The following CBLB variants were observed in gnomAD, a reference collection of about 807,000 sequenced individuals.
The protein encoded by CBLB is E3 ubiquitin-protein ligase CBL-B.
A neutral mutation model predicts 104.9 loss-of-function variants in CBLB; 31 were observed. The observed-to-expected ratio is 0.30, with a 90% CI of 0.22 to 0.40. The LOEUF (loss-of-function observed/expected upper bound fraction) is 0.40. Ranked by LOEUF, CBLB falls within the 10% of genes least tolerant of loss-of-function variation. CBLB has a pLI of 1.00. For missense variants in CBLB, 1,062 were observed against 1,214.6 expected (o/e 0.87, Z 1.87); for synonymous variants, 440 against 422.6 (o/e 1.04, Z -0.51).
intron 3 of CBLB, among the ~76,000 whole-genome samples, chr3:105,826,098 T>TCCAGCATGACGCAACG (rs1223611420): frequency 2.6e-5 from 4 of 151,950 alleles, no homozygotes; most frequent in African/African-American, 9.7e-5. Context: ...ATGACACGGC[T>TCCAGCATGACGCAACG]CCAGCATGAC....
chr3:105,854,747 C>T (rs1413647771), intron 2 of CBLB, among the ~76,000 whole-genome samples: 1 of 152,128 alleles, frequency 6.6e-6, no homozygotes, highest in Non-Finnish European at 1.5e-5. Flanking sequence ...ATTCTCCTGC[C>T]TCAGCCTCCC....
At chr3:105,745,505 GTATA>G (rs140184505) in intron 6 of CBLB, among the ~76,000 whole-genome samples, 2,186 of 152,234 alleles carry the variant, frequency 0.014, 43 homozygotes, top group African/African-American at 0.05. Context: ...AAACTTACAT[GTATA>G]TTTATGTGTT....
intron 3 of CBLB, among the ~76,000 whole-genome samples, chr3:105,831,107 C>T (rs1451621094): frequency 6.6e-6 from 1 of 152,160 alleles, no homozygotes; most frequent in Non-Finnish European, 1.5e-5. Flanking sequence ...AGACCATACA[C>T]ATAACCATGT....
intron 3 of CBLB, among the ~76,000 whole-genome samples, chr3:105,841,934 A>G (rs937469756): frequency 1.3e-5 from 2 of 152,158 alleles, no homozygotes; most frequent in African/African-American, 4.8e-5. Flanking sequence ...GCAACCAGAT[A>G]CTGCCAGCCT....
intron 9 of CBLB, among the ~76,000 whole-genome samples, chr3:105,733,801 C>A (rs993916907): frequency 6.6e-6 from 1 of 151,962 alleles, no homozygotes; most frequent in Non-Finnish European, 1.5e-5. Flanking sequence ...CTACTGATGA[C>A]TAATATAATA....
chr3:105,804,688 T>A (rs1272898723), intron 3 of CBLB, among the ~76,000 whole-genome samples: 1 of 152,160 alleles, frequency 6.6e-6, no homozygotes, highest in Non-Finnish European at 1.5e-5. Context: ...TAAAATTACC[T>A]GTACTTACAT....
At chr3:105,833,023 C>CA (rs1161391367) in intron 3 of CBLB, among the ~76,000 whole-genome samples, 2 of 152,076 alleles carry the variant, frequency 1.3e-5, no homozygotes, top group African/African-American at 4.8e-5. Flanking sequence ...CACATGAAGC[C>CA]TCAGATGTGG....
At chr3:105,703,128 T>C (rs2069503712) in intron 11 of CBLB, among the ~76,000 whole-genome samples, 1 of 152,192 alleles carries the variant, frequency 6.6e-6, no homozygotes, top group African/African-American at 2.4e-5. Flanking sequence ...ATTGAATGAG[T>C]ATGCTTTTCG....
chr3:105,683,493 C>T (rs1371702237), intron 14 of CBLB, among the ~76,000 whole-genome samples: 4 of 151,798 alleles, frequency 2.6e-5, no homozygotes, highest in Admixed American at 1.3e-4. Flanking sequence ...CAAAAAATCA[C>T]ATCCAATATG....
chr3:105,837,200 G>C (rs768026138), intron 3 of CBLB, among the ~76,000 whole-genome samples: 4 of 152,190 alleles, frequency 2.6e-5, no homozygotes, highest in Non-Finnish European at 5.9e-5. Flanking sequence ...TTGTGCACGC[G>C]TATTAATGCA....
chr3:105,744,522 G>C (rs935801147), intron 6 of CBLB, among the ~76,000 whole-genome samples: 1 of 152,034 alleles, frequency 6.6e-6, no homozygotes, highest in African/African-American at 2.4e-5. Flanking sequence ...AACTGTTTTT[G>C]TATTCACTAG....
intron 9 of CBLB, among the ~76,000 whole-genome samples, chr3:105,725,403 A>G (rs2073461349): frequency 6.6e-6 from 1 of 152,206 alleles, no homozygotes; most frequent in African/African-American, 2.4e-5. Context: ...TAAAAGATCC[A>G]TGTTGGAGTC....
intron 4 of CBLB, among the ~76,000 whole-genome samples, chr3:105,769,747 T>G (rs1325422004): frequency 6.6e-6 from 1 of 152,234 alleles, no homozygotes; most frequent in Non-Finnish European, 1.5e-5. Flanking sequence ...GCGAAAAAGT[T>G]TCTAAAGCTT....
intron 9 of CBLB, among the ~76,000 whole-genome samples, chr3:105,730,770 T>A (rs1290377883): frequency 2.6e-5 from 4 of 152,112 alleles, no homozygotes; most frequent in African/African-American, 9.7e-5. Flanking sequence ...ATGATCAGAT[T>A]AAGACAATAA....
At chr3:105,831,551 A>G (rs2087523012) in intron 3 of CBLB, among the ~76,000 whole-genome samples, 1 of 152,284 alleles carries the variant, frequency 6.6e-6, no homozygotes, top group South Asian at 2.1e-4. Context: ...CTCAAGTTCT[A>G]GCACTTGATT....
intron 2 of CBLB, 47 bp downstream of exon 2, chr3:105,867,363 G>A (rs145778643): frequency 1.3e-4 from 202 of 1,545,926 alleles, no homozygotes; most frequent in Non-Finnish European, 1.7e-4. Context: ...AGAAACCACA[G>A]ACAAAGTGAA....
chr3:105,868,366 G>T, intron 1 of CBLB: 1 of 479,788 alleles, frequency 2.1e-6, no homozygotes, highest in Non-Finnish European at 3.3e-6. Flanking sequence ...CCCTGCTCAG[G>T]CCCCTTCCCG....
At chr3:105,731,707 C>T (rs534499481) in intron 9 of CBLB, among the ~76,000 whole-genome samples, 6 of 152,158 alleles carry the variant, frequency 3.9e-5, no homozygotes, top group Non-Finnish European at 8.8e-5. Flanking sequence ...CCTGTCTCAG[C>T]CTCCCAAAGT....
Position 105,678,455 on chromosome 3 carries a change from G to A in CBLB, c.2545C>T (p.Gln849Ter). 1 of 1,614,056 alleles carries A rather than the reference G, an allele frequency of 6.2e-7. No individual in the cohort carries two copies. Among genetic ancestry groups the A allele is most frequent in the Non-Finnish European group, 8.5e-7 (1 of 1,179,952 alleles). The part of the protein sequence containing the change: ...PGSSSRPSSG[Q>*]DLFLLPSDPF... ...CCTGAAGGAAGAAGAAAAAGATCCT[G>A]TCCTGAGGATGGCCGGCTACTGGAG... Residue 849 changes from glutamine (Q) to a stop codon, truncating the protein, a stop_gained, in exon 17 of 19, where the codon CAG becomes TAG. Transcript: ENST00000394030. LOFTEE classifies it high-confidence loss of function.
Sources: gnomAD v4.1 joint callset for allele counts (sites outside exome capture counted in the v4.1 genomes callset) on GRCh38, gnomAD v4.1.1 for gene constraint, MANE v1.5 for transcripts, NCBI Gene and HGNC (gene_info 2026-07-23, HGNC 2026-07-21) for gene names.